The following NRG3 variants were observed in gnomAD, a reference collection of about 807,000 sequenced individuals.
NRG3 encodes pro-neuregulin-3, membrane-bound isoform.
Under a neutral mutation model 66.9 loss-of-function variants are expected in NRG3, and 31 were observed. The ratio of observed to expected loss-of-function variants is 0.46; its 90% CI spans 0.35 to 0.63. NRG3 has a LOEUF of 0.63. Among genes scored for constraint, NRG3 ranks in the 20% least tolerant of loss-of-function variants. The probability of loss-of-function intolerance (pLI) is 0.00; values close to 1 mark genes in which losing one functional copy is unlikely to be tolerated. For missense variants in NRG3, 910 were observed against 878.9 expected, an observed-to-expected ratio of 1.04 and a Z score of -0.45; for synonymous variants, 393 against 359.4, an observed-to-expected ratio of 1.09 and a Z score of -1.06.
intron 4 of NRG3, among the ~76,000 whole-genome samples, chr10:82,942,374 G>T (rs959210859): frequency 6.6e-6 from 1 of 152,166 alleles, no homozygotes; most frequent in African/African-American, 2.4e-5. Context: ...GAGACTTTGA[G>T]AATTTTATAC....
intron 2 of NRG3, among the ~76,000 whole-genome samples, chr10:82,445,748 A>G (rs1174347099): frequency 1.3e-5 from 2 of 152,110 alleles, no homozygotes; most frequent in Admixed American, 6.6e-5. Flanking sequence ...AATCACTCCC[A>G]AACTTGTATA....
chr10:82,298,010 T>G (rs531969419), intron 1 of NRG3, among the ~76,000 whole-genome samples: 10 of 152,042 alleles, frequency 6.6e-5, no homozygotes, highest in African/African-American at 2.4e-4. Context: ...TGGGTCTGGT[T>G]GCATGTGCTT....
chr10:82,866,891 G>A (rs1432260598), intron 4 of NRG3, among the ~76,000 whole-genome samples: 1 of 152,066 alleles, frequency 6.6e-6, no homozygotes, highest in Non-Finnish European at 1.5e-5. Flanking sequence ...GAAACTAGAG[G>A]TCAAGGACTT....
intron 2 of NRG3, among the ~76,000 whole-genome samples, chr10:82,370,949 A>AACAC (rs145443212): frequency 0.021 from 3,075 of 147,216 alleles, 40 homozygotes; most frequent in Non-Finnish European, 0.03. Context: ...CCACCTTACA[A>AACAC]ACACACACAC....
intron 4 of NRG3, among the ~76,000 whole-genome samples, chr10:82,898,115 C>T (rs1452170811): frequency 6.6e-6 from 1 of 152,180 alleles, no homozygotes; most frequent in Non-Finnish European, 1.5e-5. Context: ...CAACCCTCAA[C>T]CAATGAGAGA....
At chr10:82,758,156 G>A (rs75901310) in intron 3 of NRG3, among the ~76,000 whole-genome samples, 1 of 152,018 alleles carries the variant, frequency 6.6e-6, no homozygotes, top group African/African-American at 2.4e-5. Flanking sequence ...TGCTTTTATT[G>A]TGTCATTTGA....
At chr10:82,879,958 C>CTTTTTTTTTTT (rs35159008) in intron 4 of NRG3, among the ~76,000 whole-genome samples, 3 of 78,460 alleles carry the variant, frequency 3.8e-5, no homozygotes, top group Admixed American at 1.7e-4. Flanking sequence ...GATTTCATCC[C>CTTTTTTTTTTT]TTTTTTTTTT....
intron 1 of NRG3, among the ~76,000 whole-genome samples, chr10:81,968,711 A>C (rs1050287622): frequency 6.6e-6 from 1 of 152,226 alleles, no homozygotes; most frequent in Non-Finnish European, 1.5e-5. Context: ...CTCTTACCTC[A>C]GGCCACAGAC....
chr10:82,984,677 G>GGGT (rs1443653955), intron 8 of NRG3: 5 of 1,161,342 alleles, frequency 4.3e-6, no homozygotes, highest in Non-Finnish European at 6.2e-6. Context: ...AGGGCTGAGA[G>GGGT]GGTGGTCGAG....
At chr10:81,898,183 A>G (rs1467570957) in intron 1 of NRG3, among the ~76,000 whole-genome samples, 1 of 152,214 alleles carries the variant, frequency 6.6e-6, no homozygotes, top group African/African-American at 2.4e-5. Context: ...CCTCACACTC[A>G]TTCTTTGGAG....
At chr10:82,113,805 G>A (rs2132273197) in intron 1 of NRG3, among the ~76,000 whole-genome samples, 1 of 152,224 alleles carries the variant, frequency 6.6e-6, no homozygotes, top group East Asian at 1.9e-4. Context: ...CAACTTTTCT[G>A]TAAATCTAGA....
intron 5 of NRG3, among the ~76,000 whole-genome samples, chr10:82,958,629 G>A (rs979357280): frequency 9.9e-5 from 15 of 152,276 alleles, no homozygotes; most frequent in African/African-American, 3.4e-4. Context: ...CTTTCCCATA[G>A]TATTTCCAGT....
At chr10:82,499,024 A>G (rs1452965457) in intron 2 of NRG3, among the ~76,000 whole-genome samples, 2 of 152,170 alleles carry the variant, frequency 1.3e-5, no homozygotes, top group African/African-American at 4.8e-5. Flanking sequence ...CATATTGAGT[A>G]GCAGGAACCA....
chr10:82,793,760 A>G (rs908397682), intron 3 of NRG3, among the ~76,000 whole-genome samples: 2 of 152,174 alleles, frequency 1.3e-5, no homozygotes, highest in Admixed American at 6.5e-5. Flanking sequence ...TCAAAAGCAT[A>G]TGGGAAAACT....
chr10:82,396,324 C>T (rs911099580), intron 2 of NRG3, among the ~76,000 whole-genome samples: 3 of 152,290 alleles, frequency 2.0e-5, no homozygotes, highest in Admixed American at 2.0e-4. Flanking sequence ...AATGGAAGCT[C>T]CCAAATGGCA....
At chr10:81,959,801 T>G (rs1208479766) in intron 1 of NRG3, among the ~76,000 whole-genome samples, 1 of 152,172 alleles carries the variant, frequency 6.6e-6, no homozygotes, top group Non-Finnish European at 1.5e-5. Flanking sequence ...AATGCATAGT[T>G]TTACTTTTTA....
intron 1 of NRG3, among the ~76,000 whole-genome samples, chr10:81,995,276 T>G (rs773728825): frequency 2.0e-5 from 3 of 152,236 alleles, no homozygotes; most frequent in Admixed American, 6.5e-5. Context: ...ATACAAGAGA[T>G]AAAGGAAGGT....
At chr10:82,779,914 C>G (rs1168988971) in intron 3 of NRG3, among the ~76,000 whole-genome samples, 1 of 145,254 alleles carries the variant, frequency 6.9e-6, no homozygotes, top group African/African-American at 2.5e-5. Context: ...ATATTCTCCT[C>G]CCTGTGTCCA....
At chr10:82,433,749 A>T (rs531160715) in intron 2 of NRG3, among the ~76,000 whole-genome samples, 16 of 152,308 alleles carry the variant, frequency 1.1e-4, no homozygotes, top group Non-Finnish European at 1.5e-4. Flanking sequence ...GTTGAAGATC[A>T]GATGGTTGTA....
Sources: gnomAD v4.1 joint callset for allele counts (sites outside exome capture counted in the v4.1 genomes callset) on GRCh38, gnomAD v4.1.1 for gene constraint, MANE v1.5 for transcripts, NCBI Gene and HGNC (gene_info 2026-07-23, HGNC 2026-07-21) for gene names.